Variants in SLC19A1 observed in about 807,000 individuals in gnomAD.
SLC19A1 encodes the protein reduced folate transporter.
In SLC19A1, 37 loss-of-function variants were observed where a neutral mutation model predicts 35.3. The ratio of observed to expected loss-of-function variants is 1.05; its 90% confidence interval spans 0.81 to 1.38. The LOEUF is 1.38. SLC19A1 is among the 40% of genes most tolerant of loss of function. The probability of loss-of-function intolerance (pLI) is 0.00; values close to 1 mark genes in which losing one functional copy is unlikely to be tolerated. For synonymous variants in SLC19A1, 460 were observed against 398.5 expected (o/e 1.15, Z -1.84); for missense variants, 831 against 826.9 (o/e 1.00, Z -0.06).
chr21:45,557,801 A>G (rs2078578313), intron 1 of SLC19A1, among the ~76,000 whole-genome samples: 1 of 152,176 alleles, frequency 6.6e-6, no homozygotes, highest in Non-Finnish European at 1.5e-5. Context: ...CTGCTCAACT[A>G]ACAGCACAGA....
At chr21:45,551,274 GT>G (rs1410288363) in intron 1 of SLC19A1, among the ~76,000 whole-genome samples, 2 of 151,948 alleles carry the variant, frequency 1.3e-5, no homozygotes, top group Non-Finnish European at 2.9e-5. Flanking sequence ...AAAAAATCAA[GT>G]TTTAATTGCT....
chr21:45,510,298 G>A, downstream of SLC19A1: 1 of 1,559,416 alleles, frequency 6.4e-7, no homozygotes, highest in Non-Finnish European at 8.7e-7. Flanking sequence ...GGGCTCCTCG[G>A]CCCCCACTTG....
At chr21:45,556,225 CG>C (rs1013869091) in intron 1 of SLC19A1, among the ~76,000 whole-genome samples, 4 of 152,334 alleles carry the variant, frequency 2.6e-5, no homozygotes, top group Admixed American at 6.5e-5. Flanking sequence ...GCCTGCGGCC[CG>C]GGGAGACCTG....
chr21:45,550,243 G>T (rs1052935314), intron 1 of SLC19A1, among the ~76,000 whole-genome samples: 1 of 152,136 alleles, frequency 6.6e-6, no homozygotes, highest in African/African-American at 2.4e-5. Context: ...TCCCTCCTGG[G>T]GAGGCGCCTC....
rs1013823154 is a variant in SLC19A1, at chr21:45,512,708, C to G, written c.*2950G>C. On this transcript the variant is annotated 3_prime_UTR_variant, in exon 6 of 6. Transcript: ENST00000311124. ...CTCTTGGCCTGATCAGACCACGGCT[C>G]GATTTCTCCAGGATTTCCTGCTTTG... 13 of 442,298 alleles carry G rather than the reference C, an allele frequency of 2.9e-5. No homozygotes were observed. The highest frequency in any genetic ancestry group is 4.2e-5 in the Non-Finnish European group (10 of 239,696). 27.4% of individuals were successfully genotyped at this position (442,298 alleles called of 1,614,324 possible).
chr21:45,560,885 A>G (rs1216038375), intron 1 of SLC19A1, among the ~76,000 whole-genome samples: 3 of 152,198 alleles, frequency 2.0e-5, no homozygotes, highest in African/African-American at 7.2e-5. Flanking sequence ...TGCTTTCTCC[A>G]TGATAAAGAG....
chr21:45,503,353 G>T (rs1252451629), intron 3 of SLC19A1, among the ~76,000 whole-genome samples: 1 of 151,776 alleles, frequency 6.6e-6, no homozygotes, highest in African/African-American at 2.4e-5. Flanking sequence ...GTGTTTTTTG[G>T]CTGCATAAAT....
rs909760288 is a variant in SLC19A1, at chr21:45,514,674, C to T, written c.*984G>A. On this transcript the variant is annotated 3_prime_UTR_variant, in exon 6 of 6. Coordinates refer to ENST00000311124, the MANE Select transcript of SLC19A1 (RefSeq NM_194255.4). ...TCCTCACTGACTGCTGACCCTCAAC[C>T]CCCAGGCCAGGCCGGCCCTGAATCA... 44 of 279,400 alleles carry T rather than the reference C, an allele frequency of 1.6e-4. No homozygotes were observed. Among genetic ancestry groups the T allele is most frequent in the Non-Finnish European group, 2.4e-4 (36 of 150,862 alleles). 17.3% of individuals were successfully genotyped at this position (279,400 alleles called of 1,614,324 possible). A position where few individuals can be genotyped will look rare whatever the true frequency, so the allele number is the denominator to read the frequency against.
At position 45,531,688 on chromosome 21, in the gene SLC19A1, C is replaced by G; in HGVS notation, c.650G>C (p.Arg217Pro). 3 of 1,612,492 alleles carry G rather than the reference C, an allele frequency of 1.9e-6. No homozygotes were observed. Among genetic ancestry groups the G allele is most frequent in the South Asian group, 1.1e-5 (1 of 91,042 alleles). The change falls in exon 3 of 6, where the codon CGG (arginine) becomes CCG (proline). Residue 217 changes from arginine to proline, a missense_variant. By Grantham distance (103) the Arg-to-Pro change is moderately radical (BLOSUM62 -2). Coordinates refer to ENST00000311124, the MANE Select transcript of SLC19A1 (RefSeq NM_194255.4). ...CGAAGCCGAGGTTTCGCACCGCCCC[C>G]GGTCGTCGCGGTTGAAGAAGAGGCT... Reference protein sequence around the residue: ...KRSLFFNRDDRGRCETSASEL... With the variant: ...KRSLFFNRDDPGRCETSASEL...
At chr21:45,506,298 CA>C in intron 3 of SLC19A1, 2 of 373,986 alleles carry the variant, frequency 5.3e-6, no homozygotes, top group Non-Finnish European at 1.0e-5. Context: ...GACGAGGCGG[CA>C]GGGGGGCTCA....
At chr21:45,521,430 C>T (rs191469659) in intron 5 of SLC19A1, among the ~76,000 whole-genome samples, 36 of 152,268 alleles carry the variant, frequency 2.4e-4, no homozygotes, top group Middle Eastern at 6.8e-3. Context: ...ACAGTAAACA[C>T]GTCAATTCTC....
At chr21:45,537,485 G>GCCCTGGCA (rs2078152891) in intron 2 of SLC19A1, among the ~76,000 whole-genome samples, 1 of 139,980 alleles carries the variant, frequency 7.1e-6, no homozygotes, top group Non-Finnish European at 1.5e-5. Context: ...ACAGGCGGCC[G>GCCCTGGCA]CCCAGCACCC....
In SLC19A1 at chr21:45,505,143, GGA is replaced by G. The variant is rs1176071759; in HGVS notation, c.498-6533_498-6532del. 1.2e-6 allele frequency: 2 copies of G among 1,609,604 alleles called. No homozygotes were observed. The highest frequency in any genetic ancestry group is 8.5e-7 in the Non-Finnish European group (1 of 1,178,926). ...TTGTCGCCGTCCGTAGGGTCCCAAGGGAGAGAGCATCCGGGGCCAGCCCGGCC... is the reference window on the plus strand; with the variant it reads ...TTGTCGCCGTCCGTAGGGTCCCAAGGGAGAGCATCCGGGGCCAGCCCGGCC... On this transcript the variant is annotated intron_variant, in intron 3 of 4. Coordinates refer to the SLC19A1 transcript ENST00000417954.
At chr21:45,511,066 ACACCCCCACACAC>A, downstream of SLC19A1, 1 of 746,992 alleles carries the variant, frequency 1.3e-6, no homozygotes, top group Non-Finnish European at 2.0e-6. Context: ...ACACCCATCC[ACACCCCCACACAC>A]CACACACACA....
At chr21:45,509,472 G>A, downstream of SLC19A1, 2 of 1,529,898 alleles carry the variant, frequency 1.3e-6, no homozygotes, top group East Asian at 2.4e-5. Context: ...ATGACATCCT[G>A]GCCAGCCCCC....
intron 1 of SLC19A1, among the ~76,000 whole-genome samples, chr21:45,539,810 G>C (rs895650789): frequency 3.3e-5 from 5 of 152,208 alleles, no homozygotes; most frequent in African/African-American, 1.2e-4. Context: ...AAGAGGCAGA[G>C]GCTGGTGGGC....
chr21:45,510,100 G>A (rs369592585), downstream of SLC19A1: 29 of 1,590,258 alleles, frequency 1.8e-5, no homozygotes, highest in Admixed American at 6.9e-5. Context: ...CCTGTCAGGC[G>A]GCATGCGGGG....
rs374919431 is a variant in SLC19A1 at position 45,537,993 on chromosome 21, G to A, written c.-34C>T. The A allele has an allele frequency of 1.3e-5, 19 of 1,462,190 alleles. No individual in the cohort carries two copies. Among genetic ancestry groups the A allele is most frequent in the South Asian group, 6.6e-5 (5 of 75,284 alleles). The allele number at this position is 1,462,190 out of a possible 1,614,324, so 90.6% of individuals were successfully genotyped here. On this transcript the variant is annotated 5_prime_UTR_variant, in exon 2 of 6. Coordinates refer to ENST00000311124, the MANE Select transcript of SLC19A1 (RefSeq NM_194255.4). ...GGCCACGTGCAGCTCCGGAGGGGACGAAGGTGACGCTGTGCCTGGAAGGAG... is the reference window on the plus strand; with the variant it reads ...GGCCACGTGCAGCTCCGGAGGGGACAAAGGTGACGCTGTGCCTGGAAGGAG...
At position 45,537,981 on chromosome 21, in the gene SLC19A1, T is replaced by A. The variant is rs570539904; in HGVS notation, c.-22A>T. 1 of 1,499,608 alleles carries A rather than the reference T, an allele frequency of 6.7e-7. No individual in the cohort carries two copies. The highest frequency in any genetic ancestry group is 8.9e-7 in the Non-Finnish European group (1 of 1,122,528). 92.9% of individuals were successfully genotyped at this position (1,499,608 alleles called of 1,614,324 possible). A position where few individuals can be genotyped will look rare whatever the true frequency, so the allele number is the denominator to read the frequency against. On this transcript the variant is annotated 5_prime_UTR_variant, in exon 2 of 6. Coordinates refer to ENST00000311124, the MANE Select transcript of SLC19A1 (RefSeq NM_194255.4). The stretch of plus-strand genomic sequence containing the variant: ...CCATCCTGCTCAGGCCACGTGCAGC[T>A]CCGGAGGGGACGAAGGTGACGCTGT...
Sources: gnomAD v4.1 joint callset for allele counts (sites outside exome capture counted in the v4.1 genomes callset) on GRCh38, gnomAD v4.1.1 for gene constraint, MANE v1.5 for transcripts, NCBI Gene and HGNC (gene_info 2026-07-23, HGNC 2026-07-21) for gene names.